Variants in PARD3 observed in about 807,000 individuals in gnomAD.
PARD3 encodes the protein par-3 family cell polarity regulator.
A neutral mutation model predicts 155.4 loss-of-function variants in PARD3; 75 were observed. The ratio of observed to expected loss-of-function variants is 0.48; its 90% CI spans 0.40 to 0.58. The LOEUF (loss-of-function observed/expected upper bound fraction) is 0.58, where lower values mean the gene tolerates loss of function less well. Ranked by LOEUF, PARD3 falls within the 20% of genes least tolerant of loss-of-function variation. The pLI, the probability that PARD3 is intolerant of heterozygous loss-of-function variation, is 0.00. For synonymous variants in PARD3, 576 were observed against 610.5 expected, an observed-to-expected ratio of 0.94 and a Z score of 0.83; for missense variants, 1,642 against 1,721.7, an observed-to-expected ratio of 0.95 and a Z score of 0.82.
chr10:34,184,542 C>A (rs1049813640), intron 22 of PARD3, among the ~76,000 whole-genome samples: 1 of 152,140 alleles, frequency 6.6e-6, no homozygotes, highest in Non-Finnish European at 1.5e-5. Context: ...TAGCATTATT[C>A]TGTTTTCCAA....
At chr10:34,200,606 C>G (rs1036292448) in intron 22 of PARD3, among the ~76,000 whole-genome samples, 1 of 152,164 alleles carries the variant, frequency 6.6e-6, no homozygotes, top group African/African-American at 2.4e-5. Context: ...TTACTGAACC[C>G]TGATAAGGCA....
rs977975414 is a variant in PARD3 at position 34,242,187 on chromosome 10, T to A, written c.3419+27470A>T. On this transcript the variant is annotated intron_variant, in intron 22 of 24. Coordinates refer to ENST00000374788, the MANE Select transcript of PARD3 (RefSeq NM_001184785.2). Reference sequence around the variant, plus strand: ...ATAATCATAGCGGAACATAACACACTGGTACAGCTTTATGTTTTTATGCAT... The same window carrying A: ...ATAATCATAGCGGAACATAACACACAGGTACAGCTTTATGTTTTTATGCAT... 5.3e-5 allele frequency among the ~76,000 whole-genome samples: 8 copies of A among 152,296 alleles called. No individual in the cohort carries two copies. In the South Asian group the frequency reaches 8.3e-4, roughly 16 times the overall value.
At chr10:34,179,168 GCA>G (rs72378504) in intron 22 of PARD3, among the ~76,000 whole-genome samples, 1,820 of 94,434 alleles carry the variant, frequency 0.019, 23 homozygotes, top group South Asian at 0.049. Flanking sequence ...GTGCGTGCGC[GCA>G]CACACACACA....
intron 20 of PARD3, among the ~76,000 whole-genome samples, chr10:34,315,083 A>C (rs1419342161): frequency 6.6e-6 from 1 of 152,186 alleles, no homozygotes; most frequent in Non-Finnish European, 1.5e-5. Context: ...TGCATATAGA[A>C]TTTTATTTCC....
intron 1 of PARD3, among the ~76,000 whole-genome samples, chr10:34,730,582 T>C (rs952649220): frequency 3.3e-5 from 5 of 152,154 alleles, no homozygotes; most frequent in African/African-American, 1.2e-4. Flanking sequence ...CCAGGAGTTG[T>C]ACACCAGCCT....
At chr10:34,798,755 A>G (rs1588808818) in intron 1 of PARD3, among the ~76,000 whole-genome samples, 1 of 151,934 alleles carries the variant, frequency 6.6e-6, no homozygotes, top group Admixed American at 6.5e-5. Flanking sequence ...CTGTCACACA[A>G]GTGACCAGCC....
chr10:34,617,003 C>T (rs949887725), intron 2 of PARD3, among the ~76,000 whole-genome samples: 5 of 151,066 alleles, frequency 3.3e-5, no homozygotes, highest in South Asian at 2.1e-4. Flanking sequence ...CACATGTAAT[C>T]GTAGCACTTT....
At chr10:34,363,619 T>C (rs1839672868) in intron 12 of PARD3, among the ~76,000 whole-genome samples, 1 of 152,242 alleles carries the variant, frequency 6.6e-6, no homozygotes, top group African/African-American at 2.4e-5. Flanking sequence ...CATATTCTGA[T>C]GTAAAATAGA....
chr10:34,307,437 T>G (rs1957468629), intron 20 of PARD3, among the ~76,000 whole-genome samples: 3 of 152,254 alleles, frequency 2.0e-5, no homozygotes, highest in African/African-American at 7.2e-5. Flanking sequence ...CCTCTCGACC[T>G]GAAATGCACA....
chr10:34,510,017 T>C (rs1011668691), intron 3 of PARD3, among the ~76,000 whole-genome samples: 3 of 152,228 alleles, frequency 2.0e-5, no homozygotes, highest in African/African-American at 7.2e-5. Context: ...CTCATTGATA[T>C]ATCTATAAAA....
rs779903880 is a variant in PARD3 at position 34,337,412 on chromosome 10, T to A, written c.2423A>T (p.Asp808Val). 4 of 1,581,616 alleles carry A rather than the reference T, an allele frequency of 2.5e-6. No homozygotes were observed. Among genetic ancestry groups the A allele is most frequent in the Non-Finnish European group, 3.4e-6 (4 of 1,168,028 alleles). Residue 808 changes from aspartate to valine, a missense_variant, in exon 17 of 25, where the codon GAT becomes GTT. Physicochemically the swap from Asp to Val is radical, Grantham distance 152. Around this residue, in one of 3 missense-constraint regions of PARD3, gnomAD observed 1,529 missense variants for 1,587.3 expected, o/e 0.96. Coordinates refer to ENST00000374788, the MANE Select transcript of PARD3 (RefSeq NM_001184785.2). Reference protein sequence around the residue: ...SDSADCSLSPDVDPVLAFQRE... With the variant: ...SDSADCSLSPVVDPVLAFQRE... Reference sequence around the variant, plus strand: ...TTGAAAAGCAAGAACTGGATCAACATCTGGACTCAAAGAGCTGGAGTGAAG... The same window carrying A: ...TTGAAAAGCAAGAACTGGATCAACAACTGGACTCAAAGAGCTGGAGTGAAG...
chr10:34,285,741 G>A (rs1203287118), intron 20 of PARD3, among the ~76,000 whole-genome samples: 1 of 151,960 alleles, frequency 6.6e-6, no homozygotes, highest in Admixed American at 6.6e-5. Context: ...AGTATATGTG[G>A]GCATATCTCA....
chr10:34,189,610 T>A (rs1950619947), intron 22 of PARD3, among the ~76,000 whole-genome samples: 1 of 152,178 alleles, frequency 6.6e-6, no homozygotes, highest in Non-Finnish European at 1.5e-5. Context: ...TAAGTATCTT[T>A]TAAATAGTCT....
At chr10:34,336,270 T>C in intron 17 of PARD3, 27 bp from the exon 18 acceptor site, 2 of 1,584,580 alleles carry the variant, frequency 1.3e-6, no homozygotes, top group South Asian at 1.1e-5. Flanking sequence ...GTATAATAGT[T>C]AGCCCAGTTA....
intron 5 of PARD3, among the ~76,000 whole-genome samples, chr10:34,415,547 C>T (rs1845581568): frequency 6.6e-6 from 1 of 152,158 alleles, no homozygotes; most frequent in Non-Finnish European, 1.5e-5. Flanking sequence ...AAATGAAATG[C>T]TATCAATCAA....
At chr10:34,631,987 A>C (rs894109878) in intron 2 of PARD3, among the ~76,000 whole-genome samples, 1 of 152,204 alleles carries the variant, frequency 6.6e-6, no homozygotes, top group African/African-American at 2.4e-5. Flanking sequence ...TTTAATTAGA[A>C]ATATTAGCCT....
At chr10:34,696,256 G>A (rs935879477) in intron 2 of PARD3, 62 bp downstream of exon 2, 15 of 836,426 alleles carry the variant, frequency 1.8e-5, no homozygotes, top group South Asian at 6.0e-5. Flanking sequence ...AATCGCACCC[G>A]CTCCCTAGTC....
chr10:34,131,025 A>G (rs1249722540), intron 23 of PARD3, among the ~76,000 whole-genome samples: 1 of 152,094 alleles, frequency 6.6e-6, no homozygotes, highest in East Asian at 1.9e-4. Flanking sequence ...GCACCACCGC[A>G]CTCCAGCCTG....
chr10:34,385,334 C>G (rs144313494), intron 7 of PARD3, among the ~76,000 whole-genome samples: 7,059 of 152,070 alleles, frequency 0.046, 187 homozygotes, highest in Middle Eastern at 0.068. Flanking sequence ...TGGGGTTTCA[C>G]CATGTTGGCT....
Sources: gnomAD v4.1 joint callset for allele counts (sites outside exome capture counted in the v4.1 genomes callset) on GRCh38, gnomAD v4.1.1 for gene constraint, gnomAD v4.1.1 regional missense constraint, MANE v1.5 for transcripts, NCBI Gene and HGNC (gene_info 2026-07-23, HGNC 2026-07-21) for gene names.